The following TMEFF1 variants were observed in gnomAD, a reference collection of about 807,000 sequenced individuals.
TMEFF1 encodes the protein tomoregulin-1.
Under a neutral mutation model 47.5 loss-of-function variants are expected in TMEFF1, and 20 were observed. The ratio of observed to expected loss-of-function variants is 0.42; its 90% CI spans 0.30 to 0.61. TMEFF1 has a LOEUF of 0.61. TMEFF1 is among the 20% of genes least tolerant of loss of function. The pLI is 0.19. For missense variants in TMEFF1, 411 were observed against 471.1 expected (o/e 0.87, Z 1.18); for synonymous variants, 162 against 166.3 (o/e 0.97, Z 0.20).
At chr9:100,516,927 T>C (rs1040861913) in intron 5 of TMEFF1, among the ~76,000 whole-genome samples, 156 bp downstream of exon 5, 1 of 152,234 alleles carries the variant, frequency 6.6e-6, no homozygotes, top group South Asian at 2.1e-4. Context: ...TAAATTGATA[T>C]AATACTATGG....
intron 8 of TMEFF1, among the ~76,000 whole-genome samples, chr9:100,566,294 C>A (rs1057226028): frequency 6.6e-6 from 1 of 152,170 alleles, no homozygotes; most frequent in African/African-American, 2.4e-5. Context: ...ACATAAATCC[C>A]AGACTTCTCT....
intron 5 of TMEFF1, among the ~76,000 whole-genome samples, chr9:100,540,107 C>A (rs1044936284): frequency 6.6e-6 from 1 of 151,900 alleles, no homozygotes; most frequent in Non-Finnish European, 1.5e-5. Flanking sequence ...CTCCAAGTCA[C>A]CTACCCCATT....
At chr9:100,514,112 C>T (rs1838020493) in intron 4 of TMEFF1, among the ~76,000 whole-genome samples, 1 of 151,708 alleles carries the variant, frequency 6.6e-6, no homozygotes, top group African/African-American at 2.4e-5. Flanking sequence ...TGGGGTACAC[C>T]AAAGAACACC....
rs532332614 is a variant in TMEFF1 at position 100,550,157 on chromosome 9, A to G, written c.772A>G (p.Lys258Glu). 4 of 1,612,054 alleles carry G rather than the reference A, an allele frequency of 2.5e-6. No individual in the cohort carries two copies. The East Asian group carries it at 8.9e-5, about 36-fold the overall frequency. The change falls in exon 7 of 10, where the codon AAA becomes GAA. Residue 258 changes from lysine to glutamate, a missense_variant. Transcript: ENST00000374879. ...DDGLQYRPDV[K>E]DASDQREDVY... Reference sequence around the variant, plus strand: ...TGGACTACAATATCGACCAGATGTGAAAGGTACTGAATCATGCATCTCCAA... The same window carrying G: ...TGGACTACAATATCGACCAGATGTGGAAGGTACTGAATCATGCATCTCCAA...
chr9:100,527,668 G>A (rs1475382009), intron 5 of TMEFF1, among the ~76,000 whole-genome samples: 1 of 152,040 alleles, frequency 6.6e-6, no homozygotes, highest in Non-Finnish European at 1.5e-5. Context: ...TGGGGGAGGG[G>A]CACCCGCCAT....
chr9:100,533,189 G>A (rs1838431207), intron 5 of TMEFF1, among the ~76,000 whole-genome samples: 1 of 151,880 alleles, frequency 6.6e-6, no homozygotes, highest in Admixed American at 6.6e-5. Flanking sequence ...GTATACATAT[G>A]CAACTAACCT....
intron 5 of TMEFF1, among the ~76,000 whole-genome samples, chr9:100,545,158 C>A (rs911144967): frequency 4.6e-5 from 7 of 151,864 alleles, no homozygotes; most frequent in African/African-American, 1.7e-4. Context: ...GGCGACGCCT[C>A]AGTAGAGACT....
chr9:100,522,642 G>A (rs962582061), intron 5 of TMEFF1, among the ~76,000 whole-genome samples: 6 of 151,544 alleles, frequency 4.0e-5, no homozygotes, highest in Non-Finnish European at 8.8e-5. Context: ...TCACCATCTT[G>A]GCCAGGCTGG....
rs142640220 is a variant in TMEFF1 at position 100,499,391 on chromosome 9, G to A, written c.306+517G>A. Among the ~76,000 whole-genome samples, 380 of 152,208 alleles carry A rather than the reference G, an allele frequency of 2.5e-3. 2 individuals carry two copies. Among genetic ancestry groups the A allele is most frequent in the South Asian group, 0.018 (88 of 4,822 alleles). On this transcript the variant is annotated intron_variant, in intron 2 of 9. Transcript: ENST00000374879. ...GCTTTTCAGATGCTCTTTTAGTTGT[G>A]ATTCTGTTGTCTAAAAAAGTAAAAC...
intron 1 of TMEFF1, among the ~76,000 whole-genome samples, chr9:100,492,031 T>C (rs540978161): frequency 6.6e-6 from 1 of 151,872 alleles, no homozygotes; most frequent in Non-Finnish European, 1.5e-5. Context: ...GATTACAGGC[T>C]CGTGCCACCA....
At position 100,576,681 on chromosome 9, in the gene TMEFF1, A is replaced by C; in HGVS notation, c.*81A>C. 1.3e-6 allele frequency: 2 copies of C among 1,515,672 alleles called. No individual in the cohort carries two copies. The highest frequency in any genetic ancestry group is 2.6e-5 in the South Asian group (2 of 77,226). 93.9% of individuals were successfully genotyped at this position (1,515,672 alleles called of 1,614,324 possible). On this transcript the variant is annotated 3_prime_UTR_variant, in exon 10 of 10. Transcript: ENST00000374879. ...TTTAAAGAATGGAAATATTTATTTC[A>C]GAGGCCTTATTTTTGGACATTTTTA... is the stretch of plus-strand genomic sequence containing the variant.
intron 2 of TMEFF1, 69 bp downstream of exon 2, chr9:100,498,943 T>C: frequency 1.3e-6 from 2 of 1,530,158 alleles, no homozygotes; most frequent in South Asian, 1.2e-5. Context: ...ATTCTTCAAA[T>C]TAAAAAACCT....
At position 100,488,425 on chromosome 9, in the gene TMEFF1, A is replaced by G. The variant is rs1299410874; in HGVS notation, c.197-10340A>G. Among the ~76,000 whole-genome samples the G allele has an allele frequency of 2.0e-5, 3 of 152,186 alleles. No homozygotes were observed. The East Asian group carries it at 5.8e-4, about 29-fold the overall frequency. ...TGTATGTTTTTCTTTTATATCTGTT[A>G]TAGTTTCCTGGAAATGTTGGGTAAA... is the stretch of plus-strand genomic sequence containing the variant. On this transcript the variant is annotated intron_variant, in intron 1 of 9. Coordinates refer to ENST00000374879, the MANE Select transcript of TMEFF1 (RefSeq NM_003692.5).
Position 100,473,668 on chromosome 9 carries a change from C to T in TMEFF1, c.124C>T (p.Gln42Ter). 6.5e-7 allele frequency: 1 copy of T among 1,545,358 alleles called. No individual in the cohort carries two copies. Among genetic ancestry groups the T allele is most frequent in the Non-Finnish European group, 8.7e-7 (1 of 1,145,292 alleles). The change falls in exon 1 of 10, where the codon CAG becomes TAG. Residue 42 changes from glutamine (Q) to a stop codon, truncating the protein, a stop_gained. Transcript: ENST00000374879. LOFTEE classifies it high-confidence loss of function. This position sits in a 1 kb window ranked among gnomAD's most constrained non-coding sequence, Gnocchi z 5.4. ...TCTGCCCGGGAGCCGCGCGTCCAAC[C>T]AGCCCCCGGGTGGTGGCGGCGGCAG... ...FSLPGSRASN[Q>*]PPGGGGGSGG... is the part of the protein sequence containing the mutation.
chr9:100,506,737 A>T (rs1272842490), intron 2 of TMEFF1, among the ~76,000 whole-genome samples: 1 of 146,370 alleles, frequency 6.8e-6, no homozygotes, highest in East Asian at 2.1e-4. Flanking sequence ...ACTGCTCTCC[A>T]GCCTAGGCGA....
At chr9:100,484,226 A>C (rs1488806755) in intron 1 of TMEFF1, among the ~76,000 whole-genome samples, 2 of 152,044 alleles carry the variant, frequency 1.3e-5, no homozygotes, top group Non-Finnish European at 2.9e-5. Flanking sequence ...GCTACCCTCC[A>C]TCATCATCTT....
At chr9:100,546,233 C>A (rs762942249) in intron 5 of TMEFF1, among the ~76,000 whole-genome samples, 36 of 152,234 alleles carry the variant, frequency 2.4e-4, no homozygotes, top group Middle Eastern at 3.4e-3. Flanking sequence ...ACTCACAGTT[C>A]CCCAGACCCA....
intron 1 of TMEFF1, among the ~76,000 whole-genome samples, chr9:100,485,506 A>G (rs1478152149): frequency 6.6e-6 from 1 of 152,198 alleles, no homozygotes; most frequent in East Asian, 1.9e-4. Context: ...CCACATCCTC[A>G]CCAACCTTTG....
intron 3 of TMEFF1, among the ~76,000 whole-genome samples, chr9:100,510,380 G>A (rs1358394434): frequency 6.6e-6 from 1 of 152,214 alleles, no homozygotes; most frequent in Non-Finnish European, 1.5e-5. Context: ...CCCAGTGGAG[G>A]CATGGACAGA....
Sources: allele counts gnomAD v4.1 joint callset (sites outside exome capture counted in the v4.1 genomes callset), GRCh38; gene constraint gnomAD v4.1.1; non-coding constraint Gnocchi (gnomAD v3.1); transcripts MANE v1.5; gene names NCBI Gene and HGNC (gene_info 2026-07-23, HGNC 2026-07-21).